AMBRA1: variants seen among roughly 807,000 people sequenced by gnomAD.
AMBRA1 encodes autophagy and beclin 1 regulator 1.
AMBRA1 carries 47 observed loss-of-function variants against 125.4 expected under a neutral mutation model. The observed-to-expected ratio is 0.37, with a 90% confidence interval of 0.30 to 0.48. AMBRA1 has a LOEUF of 0.48. AMBRA1 is among the 20% of genes least tolerant of loss of function. AMBRA1 has a pLI of 0.99. For missense variants in AMBRA1, 1,331 were observed against 1,693.4 expected (o/e 0.79, Z 3.76); for synonymous variants, 626 against 655.5 (o/e 0.95, Z 0.69).
At chr11:46,565,233 T>C (rs556178042) in intron 1 of AMBRA1, among the ~76,000 whole-genome samples, 1 of 151,572 alleles carries the variant, frequency 6.6e-6, no homozygotes, top group Admixed American at 6.6e-5. Flanking sequence ...ACTCCAAGCC[T>C]GGGAGACAGA....
chr11:46,571,131 C>T (rs942041838), intron 1 of AMBRA1, among the ~76,000 whole-genome samples: 4 of 152,146 alleles, frequency 2.6e-5, no homozygotes, highest in African/African-American at 7.2e-5. Flanking sequence ...GCTTCAATTC[C>T]GCTGATATTC....
Position 46,410,335 on chromosome 11 carries a change from G to T in AMBRA1, c.3150C>A (p.Asp1050Glu). 6.2e-7 allele frequency: 1 copy of T among 1,613,978 alleles called. No homozygotes were observed. Among genetic ancestry groups the T allele is most frequent in the Non-Finnish European group, 8.5e-7 (1 of 1,179,908 alleles). Residue 1050 changes from aspartate (D) to glutamate (E), a missense_variant, in exon 16 of 18, where the codon GAC becomes GAA. By Grantham distance (45) the Asp-to-Glu change is conservative. This residue lies in a region of AMBRA1 where 354 missense variants were observed against 532.7 expected (regional missense o/e 0.66). Transcript: ENST00000683756. ...ALNSGVEYYWDQLNETVFTVH... is the reference protein window; with the variant it reads ...ALNSGVEYYWEQLNETVFTVH... ...CAGTGAAGACCGTCTCGTTCAGCTG[G>T]TCCCAGTAGTACTCAACACCAGAGT... is the stretch of plus-strand genomic sequence containing the variant.
At position 46,432,825 on chromosome 11, in the gene AMBRA1, C is replaced by CAA. The variant is rs150480293; in HGVS notation, c.2976+647_2976+648dup. 7.0e-3 allele frequency among the ~76,000 whole-genome samples: 1,068 copies of CAA among 152,362 alleles called. 10 individuals are homozygous for CAA. The highest frequency in any genetic ancestry group is 0.022 in the African/African-American group (932 of 41,602). ...TGTTCAAATGCTTGAATCCCCTTGA[C>CAA]AAAACCCTGGCTAAATGAGCACCTA... On this transcript the variant is annotated intron_variant, in intron 14 of 17. Transcript: ENST00000683756.
intron 1 of AMBRA1, among the ~76,000 whole-genome samples, chr11:46,552,425 C>T (rs1483611154): frequency 7.7e-6 from 1 of 129,860 alleles, no homozygotes; most frequent in African/African-American, 3.0e-5. Context: ...CGGTAGCTCA[C>T]ACCTGTAATC....
At chr11:46,415,905 G>A (rs1331481169) in intron 15 of AMBRA1, among the ~76,000 whole-genome samples, 1 of 152,234 alleles carries the variant, frequency 6.6e-6, no homozygotes, top group Admixed American at 6.5e-5. Context: ...GCCAAAGTCA[G>A]TTTCATGTTT....
chr11:46,518,540 G>C (rs1461690094), intron 7 of AMBRA1: 1 of 152,282 alleles, frequency 6.6e-6, no homozygotes, highest in Non-Finnish European at 1.5e-5. Context: ...CAGGCCCCAG[G>C]TCAGCTGTCT....
chr11:46,542,673 C>A lies in AMBRA1; in HGVS notation c.1344G>T (p.Leu448=). 6.2e-7 allele frequency: 1 copy of A among 1,614,198 alleles called. No homozygotes were observed. Among genetic ancestry groups the A allele is most frequent in the Admixed American group, 1.7e-5 (1 of 60,024 alleles). ...PRTSASSVSL[L]SVLRQQEGGS... ...CACCTTCCTGCTGTCTCAGCACAGACAGCAAACTCACCGAAGAGGCACTGG... is the reference window on the plus strand; with the variant it reads ...CACCTTCCTGCTGTCTCAGCACAGAAAGCAAACTCACCGAAGAGGCACTGG... The change falls in exon 7 of 18, where the codon CTG becomes CTT. Residue 448 remains leucine (L), a synonymous_variant. Transcript: ENST00000683756. This position sits in a 1 kb window ranked among gnomAD's most constrained non-coding sequence, Gnocchi z 5.9.
intron 1 of AMBRA1, among the ~76,000 whole-genome samples, chr11:46,572,469 T>C (rs550256457): frequency 2.5e-4 from 38 of 152,168 alleles, no homozygotes; most frequent in Non-Finnish European, 4.7e-4. Context: ...ATTTAATCAA[T>C]CATAGATACA....
chr11:46,451,983 T>TA (rs909168235), intron 11 of AMBRA1: 2 of 151,912 alleles, frequency 1.3e-5, no homozygotes, highest in African/African-American at 4.8e-5. Flanking sequence ...TGCTGATGTG[T>TA]ATGGGGTTTT....
chr11:46,414,972 A>C (rs1946469979), intron 15 of AMBRA1, among the ~76,000 whole-genome samples: 1 of 151,994 alleles, frequency 6.6e-6, no homozygotes, highest in South Asian at 2.1e-4. Context: ...AAGACAATGG[A>C]GGAGAAATCA....
Position 46,496,433 on chromosome 11 carries a change from G to A in AMBRA1, c.2340-2229C>T, listed in dbSNP as rs1041478424. 2.0e-5 allele frequency among the ~76,000 whole-genome samples: 3 copies of A among 152,120 alleles called. No homozygotes were observed. The East Asian group carries it at 5.8e-4, about 29-fold the overall frequency. On this transcript the variant is annotated intron_variant, in intron 9 of 17. Transcript: ENST00000683756. ...AATAAAGCTAGAAAAGAAGCATCAT[G>A]GGTCAAATCTAATTATTCCACACCC... is the stretch of plus-strand genomic sequence containing the variant.
At chr11:46,502,532 T>C (rs541754411) in intron 9 of AMBRA1, among the ~76,000 whole-genome samples, 111 of 152,270 alleles carry the variant, frequency 7.3e-4, no homozygotes, top group African/African-American at 2.6e-3. Flanking sequence ...TATATATTTG[T>C]TATTAGAGAG....
intron 5 of AMBRA1, among the ~76,000 whole-genome samples, chr11:46,544,536 C>T (rs928451952): frequency 2.6e-5 from 4 of 152,218 alleles, no homozygotes; most frequent in African/African-American, 9.6e-5. Context: ...AATGCATCAA[C>T]TTTAATACAG....
In AMBRA1 at chr11:46,473,050, G is replaced by A. The variant is rs550841566; in HGVS notation, c.2521+20558C>T. The stretch of plus-strand genomic sequence containing the variant: ...GATCAAAACTTATTGGCATACAAGA[G>A]TGCTAGATCATGTTAGGAAAGTCAG... On this transcript the variant is annotated intron_variant, in intron 11 of 17. Coordinates refer to ENST00000683756, the MANE Select transcript of AMBRA1 (RefSeq NM_001387011.1). Among the ~76,000 whole-genome samples the A allele has an allele frequency of 2.0e-5, 3 of 152,352 alleles. No homozygotes were observed. The South Asian group carries it at 6.2e-4, about 32-fold the overall frequency.
Position 46,496,286 on chromosome 11 carries a change from G to A in AMBRA1, c.2340-2082C>T, listed in dbSNP as rs139523711. Among the ~76,000 whole-genome samples, 375 of 152,288 alleles carry A rather than the reference G, an allele frequency of 2.5e-3. 2 individuals are homozygous for A. Among genetic ancestry groups the A allele is most frequent in the African/African-American group, 8.7e-3 (362 of 41,560 alleles). ...TAATCTCAGCTGTTCAGAGGCTGAG[G>A]CAGGAGAATCCCTTGAACCCAGGAG... On this transcript the variant is annotated intron_variant, in intron 9 of 17. Transcript: ENST00000683756.
chr11:46,407,292 G>T (rs7928869), intron 17 of AMBRA1, among the ~76,000 whole-genome samples: 150,509 of 152,292 alleles, frequency 0.99, 74,406 homozygotes, highest in East Asian at 1. Context: ...GCTGTCAGGG[G>T]TTACTGGGAG....
At chr11:46,464,447 T>G (rs2136849240) in intron 11 of AMBRA1, among the ~76,000 whole-genome samples, 1 of 152,342 alleles carries the variant, frequency 6.6e-6, no homozygotes, top group South Asian at 2.1e-4. Context: ...ACTCAAATAC[T>G]GTATTCAAAG....
chr11:46,529,055 T>C (rs118091841), intron 7 of AMBRA1, among the ~76,000 whole-genome samples: 1 of 152,318 alleles, frequency 6.6e-6, no homozygotes, highest in East Asian at 1.9e-4. Context: ...ATTATTACAA[T>C]TTTCTACTCC....
At chr11:46,509,312 A>G (rs1340827967) in intron 8 of AMBRA1, among the ~76,000 whole-genome samples, 1 of 152,198 alleles carries the variant, frequency 6.6e-6, no homozygotes, top group Non-Finnish European at 1.5e-5. Flanking sequence ...ACAGTATTAT[A>G]TAATTTGACG....
Sources: gnomAD v4.1 joint callset for allele counts (sites outside exome capture counted in the v4.1 genomes callset) on GRCh38, gnomAD v4.1.1 for gene constraint, gnomAD v4.1.1 regional missense constraint, Gnocchi (gnomAD v3.1) non-coding constraint, MANE v1.5 for transcripts, NCBI Gene and HGNC (gene_info 2026-07-23, HGNC 2026-07-21) for gene names.